Variants in USP33 observed in about 807,000 individuals in gnomAD.
USP33 encodes the protein ubiquitin carboxyl-terminal hydrolase 33.
A neutral mutation model predicts 124.2 loss-of-function variants in USP33; 46 were observed. The ratio of observed to expected loss-of-function variants is 0.37; its 90% CI spans 0.29 to 0.47. The LOEUF (loss-of-function observed/expected upper bound fraction) is 0.47. USP33 is among the 20% of genes least tolerant of loss of function. The pLI, the probability that USP33 is intolerant of heterozygous loss-of-function variation, is 0.99. For synonymous variants in USP33, 350 were observed against 352.3 expected (o/e 0.99, Z 0.07); for missense variants, 851 against 1,070.6 (o/e 0.79, Z 2.86).
chr1:77,698,028 T>C, intron 22 of USP33, 97 bp from the exon 23 acceptor site: 1 of 844,450 alleles, frequency 1.2e-6, no homozygotes. Context: ...AACTACATTA[T>C]CAGACTGGTT....
chr1:77,750,718 G>A (rs1345846839), intron 1 of USP33, among the ~76,000 whole-genome samples: 1 of 152,002 alleles, frequency 6.6e-6, no homozygotes, highest in Non-Finnish European at 1.5e-5. Context: ...GTAAACAAAG[G>A]CTAACAATTT....
chr1:77,759,772 GCC>G lies in USP33; in HGVS notation c.-183_-182del, dbSNP rs1166810959. The G allele has an allele frequency of 1.3e-5, 5 of 397,812 alleles. No homozygotes were observed. The highest frequency in any genetic ancestry group is 1.8e-5 in the Non-Finnish European group (4 of 225,576). The allele number at this position is 397,812 out of a possible 1,614,324, so 24.6% of individuals were successfully genotyped here. A position where few individuals can be genotyped will look rare whatever the true frequency, so the allele number is the denominator to read the frequency against. Reference sequence around the variant, plus strand: ...GTCGCGTCAGGAGGGCCGGAAAACGGCCCCGCAGCGCTGCCCTCGGGGGGTCC... The same window carrying G: ...GTCGCGTCAGGAGGGCCGGAAAACGGCCGCAGCGCTGCCCTCGGGGGGTCC... On this transcript the variant is annotated 5_prime_UTR_variant, in exon 1 of 24. Coordinates refer to ENST00000370794, the MANE Select transcript of USP33 (RefSeq NM_201624.3).
chr1:77,703,089 C>A (rs1674225140), intron 21 of USP33, among the ~76,000 whole-genome samples: 1 of 152,044 alleles, frequency 6.6e-6, no homozygotes, highest in South Asian at 2.1e-4. Context: ...TAAAAATAGC[C>A]CAGAAGTACC....
At chr1:77,709,026 A>C (rs1285095300) in intron 21 of USP33, among the ~76,000 whole-genome samples, 1 of 152,100 alleles carries the variant, frequency 6.6e-6, no homozygotes, top group Non-Finnish European at 1.5e-5. Context: ...ATCTTCATCG[A>C]GATGGTGTCA....
chr1:77,739,520 G>A, intron 4 of USP33, 103 bp from the exon 5 acceptor site: 2 of 1,104,358 alleles, frequency 1.8e-6, no homozygotes, highest in East Asian at 5.5e-5. Context: ...CCTTTGATGA[G>A]TAACAATATA....
chr1:77,709,607 T>C (rs577312085), intron 21 of USP33, among the ~76,000 whole-genome samples: 264 of 151,262 alleles, frequency 1.7e-3, no homozygotes, highest in Non-Finnish European at 3.1e-3. Context: ...TCTGTAAATA[T>C]AGAACATATT....
chr1:77,709,441 G>A (rs1168185953), intron 21 of USP33, among the ~76,000 whole-genome samples: 2 of 152,024 alleles, frequency 1.3e-5, no homozygotes, highest in Non-Finnish European at 2.9e-5. Context: ...CTTTAGCCTA[G>A]GAGTTCAAGG....
rs1010997351 is a variant in USP33 at position 77,714,554 on chromosome 1, A to C, written c.2215+60T>G. 4 of 1,549,862 alleles carry C rather than the reference A, an allele frequency of 2.6e-6. No homozygotes were observed. The African/African-American group carries it at 4.2e-5, about 16-fold the overall frequency. Reference sequence around the variant, plus strand: ...GGAGAGGAAAATTCTTGGCTCTCCTAATTTGCAAATTATTTTACAGCAAAC... The same window carrying C: ...GGAGAGGAAAATTCTTGGCTCTCCTCATTTGCAAATTATTTTACAGCAAAC... On this transcript the variant is annotated intron_variant, in intron 19 of 23. Transcript: ENST00000370794.
intron 10 of USP33, among the ~76,000 whole-genome samples, chr1:77,727,242 G>T (rs1677276126): frequency 6.6e-6 from 1 of 152,100 alleles, no homozygotes; most frequent in Admixed American, 6.6e-5. Context: ...TTTTCATCAA[G>T]CCCTTAAAAC....
intron 21 of USP33, chr1:77,701,691 T>TA (rs1177929905): frequency 1.3e-5 from 5 of 382,450 alleles, no homozygotes; most frequent in Non-Finnish European, 1.4e-5. Flanking sequence ...ATTTTTGAGA[T>TA]AGAGTTTTGC....
intron 21 of USP33, 174 bp downstream of exon 21, chr1:77,711,573 T>C: frequency 2.0e-6 from 2 of 977,422 alleles, no homozygotes; most frequent in African/African-American, 1.7e-5. Context: ...AGGGAGAACA[T>C]AACTCAACAG....
chr1:77,697,676 T>C, intron 23 of USP33, 187 bp downstream of exon 23: 1 of 896,112 alleles, frequency 1.1e-6, no homozygotes, highest in Non-Finnish European at 1.6e-6. Flanking sequence ...TGCTTTGCTC[T>C]TAACAACAGC....
intron 10 of USP33, among the ~76,000 whole-genome samples, chr1:77,726,714 C>T (rs1220350858): frequency 1.3e-5 from 2 of 150,614 alleles, no homozygotes; most frequent in Non-Finnish European, 2.9e-5. Flanking sequence ...AAAGAAAAAT[C>T]GATTATTCTC....
intron 5 of USP33, among the ~76,000 whole-genome samples, 156 bp from the exon 6 acceptor site, chr1:77,736,314 A>G (rs528082284): frequency 1.9e-4 from 29 of 152,332 alleles, no homozygotes; most frequent in African/African-American, 7.0e-4. Context: ...TTAAACTTAC[A>G]TTTATATTTT....
intron 11 of USP33, among the ~76,000 whole-genome samples, chr1:77,725,304 G>A (rs1419783868): frequency 6.6e-6 from 1 of 152,180 alleles, no homozygotes; most frequent in African/African-American, 2.4e-5. Context: ...TGATTACAAA[G>A]TAGTACTATG....
intron 4 of USP33, among the ~76,000 whole-genome samples, chr1:77,740,325 G>A (rs1367295102): frequency 1.3e-5 from 2 of 151,926 alleles, no homozygotes; most frequent in Non-Finnish European, 2.9e-5. Context: ...TAATATGCCA[G>A]CTATCACCTT....
At chr1:77,701,497 T>A (rs1674012700) in intron 21 of USP33, 26 bp from the exon 22 acceptor site, 1 of 1,567,480 alleles carries the variant, frequency 6.4e-7, no homozygotes, top group Non-Finnish European at 8.7e-7. Flanking sequence ...AAAACAGTCA[T>A]CTAATATCTA....
intron 1 of USP33, among the ~76,000 whole-genome samples, chr1:77,749,367 TTA>T (rs1252914468): frequency 2.0e-5 from 3 of 151,846 alleles, no homozygotes; most frequent in African/African-American, 7.3e-5. Flanking sequence ...TTGTATTTTT[TTA>T]TGTTTTTTGT....
chr1:77,716,060 A>T (rs983959933), intron 17 of USP33, among the ~76,000 whole-genome samples, 192 bp from the exon 18 acceptor site: 5 of 151,820 alleles, frequency 3.3e-5, no homozygotes, highest in South Asian at 2.1e-4. Flanking sequence ...AATTTTTTAA[A>T]TTTTTTTATT....
Sources: allele counts gnomAD v4.1 joint callset (sites outside exome capture counted in the v4.1 genomes callset), GRCh38; gene constraint gnomAD v4.1.1; transcripts MANE v1.5; gene names NCBI Gene and HGNC (gene_info 2026-07-23, HGNC 2026-07-21).